Variants in ABCB5 observed in about 807,000 individuals in gnomAD.
The protein encoded by ABCB5 is ATP binding cassette subfamily B member 5.
In ABCB5, 155 loss-of-function variants were observed where a neutral mutation model predicts 144.2. That is an observed-to-expected ratio of 1.08 (90% CI 0.94 to 1.23). The LOEUF is 1.23. Among genes scored for constraint, ABCB5 ranks in the 50% most tolerant of loss-of-function variants. The probability of loss-of-function intolerance (pLI) is 0.00; values close to 1 mark genes in which losing one functional copy is unlikely to be tolerated. For missense variants in ABCB5, 1,830 were observed against 1,520.8 expected (o/e 1.20, Z -3.38); for synonymous variants, 610 against 528.6 (o/e 1.15, Z -2.11).
At chr7:20,704,572 G>A (rs914779915) in intron 19 of ABCB5, 152 bp from the exon 20 acceptor site, 6 of 573,610 alleles carry the variant, frequency 1.0e-5, no homozygotes, top group Non-Finnish European at 1.8e-5. Flanking sequence ...GAAAAAATAA[G>A]CAACAGTCAT....
Position 20,739,009 on chromosome 7 carries a change from C to T in ABCB5, c.2894C>T (p.Ala965Val). 1 of 1,611,658 alleles carries T rather than the reference C, an allele frequency of 6.2e-7. No individual in the cohort carries two copies. Among genetic ancestry groups the T allele is most frequent in the Non-Finnish European group, 8.5e-7 (1 of 1,178,988 alleles). Residue 965 changes from alanine to valine, a missense_variant, in exon 24 of 28, where the codon GCT becomes GTT. Coordinates refer to ENST00000404938, the MANE Select transcript of ABCB5 (RefSeq NM_001163941.2). ...FIVFTAIAYG[A>V]MAIGETLVLA... ...GTTTTTACTGCAATTGCATATGGAG[C>T]TATGGCCATCGGAGAAACGCTCGTT...
At chr7:20,618,965 G>A (rs1246123152) in intron 1 of ABCB5, among the ~76,000 whole-genome samples, 1 of 151,464 alleles carries the variant, frequency 6.6e-6, no homozygotes, top group Non-Finnish European at 1.5e-5. Flanking sequence ...AGTGGAGACG[G>A]GGTTTCACCA....
Position 20,755,428 on chromosome 7 carries a change from T to G in ABCB5, c.3578T>G (p.Val1193Gly). 2 of 1,613,974 alleles carry G rather than the reference T, an allele frequency of 1.2e-6. No individual in the cohort carries two copies. The highest frequency in any genetic ancestry group is 1.7e-6 in the Non-Finnish European group (2 of 1,179,886). ...ATCACAGGTCTTTCTCTCTTCCAGG[T>G]GGTTCAGCATGCCCTTGATAAAGCC... The part of the protein sequence containing the change: ...TSALDNDSEK[V>G]VQHALDKART... The change falls in exon 28 of 28, where the codon GTG becomes GGG. Residue 1193 changes from valine (V) to glycine (G), a missense_variant and splice_region_variant. Transcript: ENST00000404938.
chr7:20,619,344 T>C (rs1006421972), intron 1 of ABCB5, among the ~76,000 whole-genome samples: 6 of 152,156 alleles, frequency 3.9e-5, no homozygotes, highest in Non-Finnish European at 7.4e-5. Flanking sequence ...GCCTTGCCAG[T>C]ATCTGTTATT....
intron 14 of ABCB5, among the ~76,000 whole-genome samples, chr7:20,665,770 TAC>T (rs1562549631): frequency 3.9e-4 from 48 of 124,486 alleles, no homozygotes; most frequent in African/African-American, 9.7e-4. Flanking sequence ...TAGATAGAGA[TAC>T]ATACATACAT....
At chr7:20,717,364 T>C (rs1006414123) in intron 20 of ABCB5, among the ~76,000 whole-genome samples, 1 of 152,016 alleles carries the variant, frequency 6.6e-6, no homozygotes. Context: ...CCTTGGCTTG[T>C]AGTTGGCTGT....
intron 14 of ABCB5, among the ~76,000 whole-genome samples, chr7:20,663,863 A>C (rs1411246312): frequency 6.6e-6 from 1 of 151,816 alleles, no homozygotes; most frequent in East Asian, 1.9e-4. Context: ...TTACAGGCAC[A>C]CACCACCACA....
intron 14 of ABCB5, among the ~76,000 whole-genome samples, chr7:20,679,485 A>AAAAAAAG (rs1396302002): frequency 0.014 from 1,989 of 146,702 alleles, 100 homozygotes; most frequent in African/African-American, 0.05. Flanking sequence ...AAAAAAAAAA[A>AAAAAAAG]AGAGAGAGAG....
intron 3 of ABCB5, among the ~76,000 whole-genome samples, chr7:20,628,396 T>A (rs1783957816): frequency 6.6e-6 from 1 of 152,210 alleles, no homozygotes; most frequent in Non-Finnish European, 1.5e-5. Context: ...ATTTTCTTAA[T>A]CCAGTCTATC....
At chr7:20,632,187 C>A (rs964854756) in intron 5 of ABCB5, 74 bp downstream of exon 5, 30 of 1,090,442 alleles carry the variant, frequency 2.8e-5, no homozygotes, top group Non-Finnish European at 3.7e-5. Flanking sequence ...AAAAAAGCAA[C>A]TGAAATTTTG....
At chr7:20,665,749 A>AGATAGATAGATAGAT (rs2128032798) in intron 14 of ABCB5, among the ~76,000 whole-genome samples, 1 of 139,594 alleles carries the variant, frequency 7.2e-6, no homozygotes, top group South Asian at 2.5e-4. Context: ...ATAGATAGAT[A>AGATAGATAGATAGAT]GATAGATAGA....
intron 14 of ABCB5, chr7:20,666,758 G>C (rs1785208633): frequency 1.3e-6 from 2 of 1,597,524 alleles, no homozygotes; most frequent in Non-Finnish European, 1.7e-6. Context: ...GTATTTTCTA[G>C]AAAAAATAAT....
chr7:20,655,709 T>G (rs924552732), intron 13 of ABCB5, among the ~76,000 whole-genome samples: 1 of 152,206 alleles, frequency 6.6e-6, no homozygotes, highest in Non-Finnish European at 1.5e-5. Context: ...CTCCATATTT[T>G]TAAAGATTTG....
intron 26 of ABCB5, among the ~76,000 whole-genome samples, chr7:20,746,700 G>A (rs890349316): frequency 3.3e-5 from 5 of 152,156 alleles, no homozygotes; most frequent in Admixed American, 1.3e-4. Flanking sequence ...TGCAAGCATT[G>A]ATACAAATCC....
At chr7:20,635,286 T>C (rs1360992239) in intron 5 of ABCB5, among the ~76,000 whole-genome samples, 1 of 152,112 alleles carries the variant, frequency 6.6e-6, no homozygotes. Flanking sequence ...ACCAGTACCA[T>C]GATATTTTCG....
intron 1 of ABCB5, among the ~76,000 whole-genome samples, chr7:20,618,764 CTTTTTT>C (rs59970398): frequency 1.6e-4 from 8 of 51,576 alleles, no homozygotes; most frequent in South Asian, 8.4e-4. Flanking sequence ...GCTGCATTTT[CTTTTTT>C]TTTTTTTTTT....
intron 13 of ABCB5, among the ~76,000 whole-genome samples, chr7:20,657,577 T>C (rs1350374594): frequency 2.6e-5 from 4 of 152,198 alleles, no homozygotes; most frequent in Non-Finnish European, 4.4e-5. Context: ...AATTCATGTA[T>C]AGTGATAAAA....
chr7:20,650,489 C>T (rs1163958749), intron 12 of ABCB5, among the ~76,000 whole-genome samples: 1 of 151,918 alleles, frequency 6.6e-6, no homozygotes, highest in Non-Finnish European at 1.5e-5. Context: ...AGCGTATTAA[C>T]ATCTGTACCC....
At chr7:20,744,414 A>G (rs943424398) in intron 25 of ABCB5, among the ~76,000 whole-genome samples, 8 of 151,754 alleles carry the variant, frequency 5.3e-5, no homozygotes, top group Non-Finnish European at 1.2e-4. Flanking sequence ...GCTCCTTCTC[A>G]CTGTTCATGT....
Sources: gnomAD v4.1 joint callset for allele counts (sites outside exome capture counted in the v4.1 genomes callset) on GRCh38, gnomAD v4.1.1 for gene constraint, MANE v1.5 for transcripts, NCBI Gene and HGNC (gene_info 2026-07-23, HGNC 2026-07-21) for gene names.